Variants in NECAB2 observed in about 807,000 individuals in gnomAD.
NECAB2 encodes the protein N-terminal EF-hand calcium binding protein 2.
A neutral mutation model predicts 51.9 loss-of-function variants in NECAB2; 68 were observed. That is an observed-to-expected ratio of 1.31 (90% confidence interval 1.08 to 1.60). The LOEUF (loss-of-function observed/expected upper bound fraction) is 1.60, where lower values mean the gene tolerates loss of function less well. Among genes scored for constraint, NECAB2 ranks in the 40% most tolerant of loss-of-function variants. NECAB2 has a pLI of 0.00. For missense variants in NECAB2, 854 were observed against 490.3 expected, an observed-to-expected ratio of 1.74 and a Z score of -7.00; for synonymous variants, 329 against 203.5, an observed-to-expected ratio of 1.62 and a Z score of -5.25.
chr16:83,997,829 C>A (rs982180170), intron 9 of NECAB2, among the ~76,000 whole-genome samples: 5 of 152,052 alleles, frequency 3.3e-5, no homozygotes, highest in Non-Finnish European at 5.9e-5. Context: ...AAAGGTTTGG[C>A]ATAGAGCAAA....
At chr16:83,995,732 G>C (rs2084688473) in intron 8 of NECAB2, among the ~76,000 whole-genome samples, 1 of 152,150 alleles carries the variant, frequency 6.6e-6, no homozygotes, top group Admixed American at 6.5e-5. Flanking sequence ...GGAACAAGGG[G>C]CTCCCCGCAT....
At position 84,001,773 on chromosome 16, in the gene NECAB2, C is replaced by A. The variant is rs369011952; in HGVS notation, c.1041-52C>A. 141 of 1,587,218 alleles carry A rather than the reference C, an allele frequency of 8.9e-5. No homozygotes were observed. In the East Asian group the frequency reaches 2.9e-3, roughly 32 times the overall value. On this transcript the variant is annotated intron_variant, in intron 11 of 12. Coordinates refer to ENST00000305202, the MANE Select transcript of NECAB2 (RefSeq NM_019065.3). ...AGCTAGGATTAACAGGGGAGCCACACGCGGAGCTCCACTCCTGCCACCCCT... is the reference window on the plus strand; with the variant it reads ...AGCTAGGATTAACAGGGGAGCCACAAGCGGAGCTCCACTCCTGCCACCCCT...
intron 8 of NECAB2, 101 bp downstream of exon 8, chr16:83,994,789 C>T (rs1597220965): frequency 3.0e-6 from 4 of 1,335,614 alleles, no homozygotes; most frequent in East Asian, 2.5e-5. Context: ...GCAGAGGGGC[C>T]AGGGAACCAT....
intron 6 of NECAB2, among the ~76,000 whole-genome samples, chr16:83,991,306 T>TTTCTTTC (rs1013623728): frequency 2.0e-5 from 3 of 150,872 alleles, no homozygotes; most frequent in African/African-American, 7.4e-5. Context: ...TCTCTCTCTC[T>TTTCTTTC]TTCTTTCTCT....
intron 5 of NECAB2, among the ~76,000 whole-genome samples, chr16:83,990,034 G>T (rs545611125): frequency 6.6e-6 from 1 of 152,302 alleles, no homozygotes; most frequent in East Asian, 1.9e-4. Context: ...AGGGAAGGTC[G>T]TGGATTCTTC....
At chr16:83,991,937 G>A (rs950433580) in intron 6 of NECAB2, among the ~76,000 whole-genome samples, 3 of 151,924 alleles carry the variant, frequency 2.0e-5, no homozygotes, top group African/African-American at 7.3e-5. Flanking sequence ...TTACAGGCAG[G>A]AGCCACCACA....
intron 10 of NECAB2, among the ~76,000 whole-genome samples, chr16:84,000,477 T>TATC (rs1007410505): frequency 5.9e-5 from 9 of 152,168 alleles, no homozygotes; most frequent in Admixed American, 5.9e-4. Context: ...AGTGAGACCC[T>TATC]ATCTCAAAAG....
At chr16:83,972,881 G>A (rs1004339363) in intron 2 of NECAB2, among the ~76,000 whole-genome samples, 70 of 152,104 alleles carry the variant, frequency 4.6e-4, no homozygotes, top group African/African-American at 1.5e-3. Context: ...GCTGAGCCTC[G>A]GCTGACAAAA....
At chr16:83,972,505 G>A (rs567265868) in intron 2 of NECAB2, among the ~76,000 whole-genome samples, 86 of 152,316 alleles carry the variant, frequency 5.6e-4, no homozygotes, top group African/African-American at 1.8e-3. Context: ...AGAGGAGCCC[G>A]GGCTGGGGCC....
intron 8 of NECAB2, among the ~76,000 whole-genome samples, chr16:83,996,654 C>G (rs2151099124): frequency 6.6e-6 from 1 of 152,288 alleles, no homozygotes; most frequent in East Asian, 1.9e-4. Context: ...TTCGTGCCTT[C>G]AGAGCCGGGG....
chr16:83,972,786 G>C (rs1038449771), intron 2 of NECAB2, among the ~76,000 whole-genome samples: 1 of 152,170 alleles, frequency 6.6e-6, no homozygotes, highest in Non-Finnish European at 1.5e-5. Flanking sequence ...AATTCATAGC[G>C]CTCCACTTCT....
upstream of NECAB2, chr16:83,965,459 T>C (rs924103521): frequency 2.5e-6 from 4 of 1,601,180 alleles, no homozygotes; most frequent in Admixed American, 6.7e-5. Flanking sequence ...CGCGGGGCTG[T>C]CAGCGGCCGA....
intron 2 of NECAB2, among the ~76,000 whole-genome samples, chr16:83,973,312 G>A (rs1718701838): frequency 6.6e-6 from 1 of 152,160 alleles, no homozygotes; most frequent in African/African-American, 2.4e-5. Flanking sequence ...CCTGTTGACG[G>A]CTCCCACCCA....
At chr16:83,999,055 A>T (rs144193583) in intron 10 of NECAB2, among the ~76,000 whole-genome samples, 33 of 151,928 alleles carry the variant, frequency 2.2e-4, no homozygotes, top group African/African-American at 7.5e-4. Flanking sequence ...ACACTCATTC[A>T]CCCCATTGCC....
At chr16:83,977,386 G>A (rs1160328383) in intron 2 of NECAB2, among the ~76,000 whole-genome samples, 1 of 152,148 alleles carries the variant, frequency 6.6e-6, no homozygotes, top group Non-Finnish European at 1.5e-5. Flanking sequence ...GGAGCTGAGG[G>A]TGGAAGCTTA....
chr16:83,978,352 C>T, intron 2 of NECAB2, 92 bp from the exon 3 acceptor site: 1 of 926,870 alleles, frequency 1.1e-6, no homozygotes, highest in Non-Finnish European at 1.7e-6. Context: ...GTCAGTCAGG[C>T]CATTGACTGG....
At chr16:83,996,651 C>G (rs577569780) in intron 8 of NECAB2, among the ~76,000 whole-genome samples, 1 of 152,172 alleles carries the variant, frequency 6.6e-6, no homozygotes, top group Non-Finnish European at 1.5e-5. Context: ...GCTTTCGTGC[C>G]TTCAGAGCCG....
chr16:84,002,404 C>A lies in NECAB2; in HGVS notation c.*58C>A, dbSNP rs2084856457. Reference sequence around the variant, plus strand: ...AGCCCCTTCTTCTTGTGAAGGAAATCCCGTTTTTTTCTAGACAGACACTTT... The same window carrying A: ...AGCCCCTTCTTCTTGTGAAGGAAATACCGTTTTTTTCTAGACAGACACTTT... On this transcript the variant is annotated 3_prime_UTR_variant, in exon 13 of 13. Coordinates refer to ENST00000305202, the MANE Select transcript of NECAB2 (RefSeq NM_019065.3). The A allele has an allele frequency of 2.4e-5, 38 of 1,560,074 alleles. No homozygotes were observed. Among genetic ancestry groups the A allele is most frequent in the Admixed American group, 6.8e-5 (4 of 59,012 alleles).
chr16:83,994,306 A>T lies in NECAB2; in HGVS notation c.601A>T (p.Asn201Tyr). The change falls in exon 7 of 13, where the codon AAC becomes TAC. Residue 201 changes from asparagine (N) to tyrosine (Y), a missense_variant. By Grantham distance (143) the Asn-to-Tyr change is moderately radical. Coordinates refer to ENST00000305202, the MANE Select transcript of NECAB2 (RefSeq NM_019065.3). ...GTGTTCCCATCCAAACTGCAGACAG[A>T]ACCACATCAAACCCAGCCACAGCGC... ...IEEQTSQLRQ[N>Y]HIKPSHSAAQ... The T allele has an allele frequency of 6.2e-7, 1 of 1,614,210 alleles. No individual in the cohort carries two copies. Among genetic ancestry groups the T allele is most frequent in the Non-Finnish European group, 8.5e-7 (1 of 1,180,016 alleles).
Sources: gnomAD v4.1 joint callset for allele counts (sites outside exome capture counted in the v4.1 genomes callset) on GRCh38, gnomAD v4.1.1 for gene constraint, MANE v1.5 for transcripts, NCBI Gene and HGNC (gene_info 2026-07-23, HGNC 2026-07-21) for gene names.